Variants in CHRNA7 observed in about 807,000 individuals in gnomAD.
The protein encoded by CHRNA7 is cholinergic receptor nicotinic alpha 7 subunit.
A neutral mutation model predicts 48.0 loss-of-function variants in CHRNA7; 17 were observed. That is an observed-to-expected ratio of 0.35 (90% CI 0.24 to 0.53). The LOEUF is 0.53. CHRNA7 is among the 20% of genes least tolerant of loss of function. The pLI is 0.92. For synonymous variants in CHRNA7, 75 were observed against 242.3 expected, an observed-to-expected ratio of 0.31 and a Z score of 6.41; for missense variants, 155 against 577.7, an observed-to-expected ratio of 0.27 and a Z score of 7.50.
intron 2 of CHRNA7, among the ~76,000 whole-genome samples, chr15:32,086,850 A>G (rs28832643): frequency 2.2e-4 from 33 of 152,100 alleles, no homozygotes; most frequent in Non-Finnish European, 4.4e-4. Context: ...ACAGCAGAGT[A>G]TTATATGTTA....
intron 4 of CHRNA7, among the ~76,000 whole-genome samples, chr15:32,136,155 A>G (rs2051252620): frequency 6.6e-6 from 1 of 152,284 alleles, no homozygotes; most frequent in South Asian, 2.1e-4. Context: ...ATGTAAACAG[A>G]TTTGGTTATA....
At chr15:32,103,403 C>G (rs529319635) in intron 3 of CHRNA7, 37 of 87,724 alleles carry the variant, frequency 4.2e-4, no homozygotes, top group African/African-American at 1.7e-3. Flanking sequence ...GAGCAAGACT[C>G]AATCTCAAGA....
chr15:32,072,143 A>G (rs1045131056), intron 2 of CHRNA7, among the ~76,000 whole-genome samples: 10 of 152,198 alleles, frequency 6.6e-5, no homozygotes, highest in African/African-American at 2.4e-4. Context: ...AAAAACGAGT[A>G]AGGGCACTCC....
At chr15:32,044,421 G>T (rs908727250) in intron 2 of CHRNA7, among the ~76,000 whole-genome samples, 1 of 152,092 alleles carries the variant, frequency 6.6e-6, no homozygotes. Flanking sequence ...GGAACTACAG[G>T]TGTGCACCAC....
intron 2 of CHRNA7, among the ~76,000 whole-genome samples, chr15:32,059,265 A>G (rs572140624): frequency 3.3e-5 from 5 of 152,158 alleles, no homozygotes; most frequent in African/African-American, 1.2e-4. Context: ...TGGCCTTCTG[A>G]AGTGCTGTAT....
intron 2 of CHRNA7, among the ~76,000 whole-genome samples, chr15:32,060,568 A>G (rs2049863098): frequency 6.6e-6 from 1 of 152,202 alleles, no homozygotes; most frequent in African/African-American, 2.4e-5. Context: ...AACACAAGAA[A>G]AGTCTGGTAA....
chr15:32,163,255 G>A lies in CHRNA7; in HGVS notation c.910G>A (p.Val304Met). ...GTACTTCGCCAGCACCATGATCATC[G>A]TGGGCCTCTCGGTGGTGGTGACAGT... is the stretch of plus-strand genomic sequence containing the variant. ...AQYFASTMII[V>M]GLSVVVTVIV... Residue 304 changes from valine to methionine, a missense_variant, in exon 9 of 10, where the codon GTG becomes ATG. Physicochemically the swap from Val to Met is conservative, Grantham distance 21 (BLOSUM62 1). Coordinates refer to ENST00000306901, the MANE Select transcript of CHRNA7 (RefSeq NM_000746.6). 2.6e-6 allele frequency: 2 copies of A among 780,696 alleles called. 1 individual carries two copies. The highest frequency in any genetic ancestry group is 3.6e-6 in the Non-Finnish European group (2 of 555,418). The allele number at this position is 780,696 out of a possible 1,614,324, so 48.4% of individuals were successfully genotyped here.
chr15:32,122,358 C>T (rs897383624), intron 4 of CHRNA7, among the ~76,000 whole-genome samples: 7 of 152,102 alleles, frequency 4.6e-5, no homozygotes, highest in East Asian at 1.9e-4. Context: ...GGTCCTATCC[C>T]GAGAAGCAAA....
chr15:32,096,246 G>A (rs183785028), intron 2 of CHRNA7, among the ~76,000 whole-genome samples: 1 of 152,238 alleles, frequency 6.6e-6, no homozygotes, highest in Admixed American at 6.5e-5. Flanking sequence ...GTTATTTTCA[G>A]GTATCGTCAA....
At chr15:32,061,219 C>G (rs1166459131) in intron 2 of CHRNA7, among the ~76,000 whole-genome samples, 1 of 152,102 alleles carries the variant, frequency 6.6e-6, no homozygotes, top group Admixed American at 6.5e-5. Context: ...CTCAGGAAAC[C>G]CCTTCACTTA....
chr15:32,036,102 A>G (rs1414186729), intron 2 of CHRNA7, among the ~76,000 whole-genome samples: 2 of 152,110 alleles, frequency 1.3e-5, no homozygotes, highest in African/African-American at 2.4e-5. Flanking sequence ...TACCTTCACC[A>G]CAGCTCTTGG....
intron 2 of CHRNA7, among the ~76,000 whole-genome samples, chr15:32,072,282 G>T (rs1043342294): frequency 2.6e-5 from 4 of 152,192 alleles, no homozygotes; most frequent in African/African-American, 7.2e-5. Flanking sequence ...GCATTTAAGA[G>T]GTGACATGGC....
At chr15:32,082,946 CCAACATGATGAAACA>C (rs1453363022) in intron 2 of CHRNA7, among the ~76,000 whole-genome samples, 1 of 152,110 alleles carries the variant, frequency 6.6e-6, no homozygotes, top group East Asian at 1.9e-4. Context: ...ACCAGCCTGG[CCAACATGATGAAACA>C]CTGTCTCCTA....
At chr15:32,153,072 CCCT>C (rs1193290257) in intron 4 of CHRNA7, among the ~76,000 whole-genome samples, 1 of 152,140 alleles carries the variant, frequency 6.6e-6, no homozygotes, top group Non-Finnish European at 1.5e-5. Flanking sequence ...GAGCTGGAAG[CCCT>C]CTGGGGTTGT....
At chr15:32,056,870 A>G (rs1433317140) in intron 2 of CHRNA7, among the ~76,000 whole-genome samples, 1 of 152,352 alleles carries the variant, frequency 6.6e-6, no homozygotes, top group East Asian at 1.9e-4. Flanking sequence ...TTTGTTAACA[A>G]AGAAAACATT....
intron 4 of CHRNA7, among the ~76,000 whole-genome samples, chr15:32,118,258 C>T (rs543334351): frequency 2.0e-5 from 3 of 152,168 alleles, no homozygotes; most frequent in African/African-American, 4.8e-5. Flanking sequence ...TCCTTGACCT[C>T]GGACTCCCAG....
chr15:32,037,744 A>G (rs2141165485), intron 2 of CHRNA7, among the ~76,000 whole-genome samples: 1 of 151,968 alleles, frequency 6.6e-6, no homozygotes, highest in Non-Finnish European at 1.5e-5. Context: ...TTACTTTTAC[A>G]TGTTAACCTT....
chr15:32,111,628 A>C lies in CHRNA7; in HGVS notation c.241-162A>C, dbSNP rs2050763298. The C allele has an allele frequency of 1.4e-5, 8 of 564,676 alleles. No individual in the cohort carries two copies. The South Asian group carries it at 2.1e-4, about 15-fold the overall frequency. The allele number at this position is 564,676 out of a possible 1,614,324, so 35.0% of individuals were successfully genotyped here. ...TTATGCTCTTCACAGTCATTTTGGA[A>C]AGGATTTTTGAATTCCCATTTTCAT... On this transcript the variant is annotated intron_variant, in intron 3 of 9. Transcript: ENST00000306901.
intron 2 of CHRNA7, among the ~76,000 whole-genome samples, chr15:32,084,143 T>C (rs915790857): frequency 1.3e-5 from 2 of 152,182 alleles, no homozygotes; most frequent in Non-Finnish European, 2.9e-5. Flanking sequence ...AGCCTAAAAG[T>C]CTGTATGGAA....
Sources: gnomAD v4.1 joint callset for allele counts (sites outside exome capture counted in the v4.1 genomes callset) on GRCh38, gnomAD v4.1.1 for gene constraint, MANE v1.5 for transcripts, NCBI Gene and HGNC (gene_info 2026-07-23, HGNC 2026-07-21) for gene names.